NEGR1: variants seen among roughly 807,000 people sequenced by gnomAD.
The protein encoded by NEGR1 is neuronal growth regulator 1.
NEGR1 carries 10 observed loss-of-function variants against 40.9 expected under a neutral mutation model. The observed-to-expected ratio is 0.24, with a 90% CI of 0.15 to 0.42. NEGR1 has a LOEUF of 0.42. NEGR1 is among the 10% of genes least tolerant of loss of function. The pLI is 1.00. For missense variants in NEGR1, 352 were observed against 438.9 expected, an observed-to-expected ratio of 0.80 and a Z score of 1.77; for synonymous variants, 185 against 166.8, an observed-to-expected ratio of 1.11 and a Z score of -0.84.
At chr1:72,082,425 A>G (rs183619212) in intron 1 of NEGR1, among the ~76,000 whole-genome samples, 1 of 152,262 alleles carries the variant, frequency 6.6e-6, no homozygotes, top group Admixed American at 6.5e-5. Context: ...GAGCTTACTT[A>G]TTGCTTGTGG....
chr1:71,933,543 A>G (rs552014334), intron 2 of NEGR1, among the ~76,000 whole-genome samples: 58 of 152,212 alleles, frequency 3.8e-4, no homozygotes, highest in South Asian at 8.3e-4. Flanking sequence ...GTCAAAGGGC[A>G]GAGAACTGAA....
At chr1:71,903,681 C>T (rs998745669) in intron 2 of NEGR1, among the ~76,000 whole-genome samples, 5 of 151,778 alleles carry the variant, frequency 3.3e-5, no homozygotes, top group African/African-American at 1.2e-4. Flanking sequence ...TTATTTCATA[C>T]ATATACATAT....
At chr1:72,121,338 C>T (rs940373101) in intron 1 of NEGR1, among the ~76,000 whole-genome samples, 8 of 152,010 alleles carry the variant, frequency 5.3e-5, no homozygotes, top group Admixed American at 2.6e-4. Context: ...ACTATAAGTA[C>T]GTAAGTTTGC....
At chr1:72,080,033 C>A (rs1212946014) in intron 1 of NEGR1, among the ~76,000 whole-genome samples, 1 of 152,046 alleles carries the variant, frequency 6.6e-6, no homozygotes, top group Non-Finnish European at 1.5e-5. Flanking sequence ...GAGTCAATAA[C>A]CCTTGAAATA....
chr1:71,457,290 G>A (rs541177700), intron 6 of NEGR1, among the ~76,000 whole-genome samples: 8 of 152,230 alleles, frequency 5.3e-5, no homozygotes, highest in East Asian at 3.9e-4. Flanking sequence ...CTGCTTAAGG[G>A]CTTTCAATGA....
At chr1:71,953,563 C>T (rs1646091459) in intron 1 of NEGR1, among the ~76,000 whole-genome samples, 1 of 151,890 alleles carries the variant, frequency 6.6e-6, no homozygotes. Context: ...AGGGCTGACT[C>T]CAATTTTGAA....
chr1:71,550,567 T>C (rs1648042296), intron 6 of NEGR1, among the ~76,000 whole-genome samples: 1 of 151,482 alleles, frequency 6.6e-6, no homozygotes, highest in Non-Finnish European at 1.5e-5. Context: ...ATTCAGGCTG[T>C]AAACCTGTGT....
intron 1 of NEGR1, among the ~76,000 whole-genome samples, chr1:72,141,585 A>G (rs1033900156): frequency 6.6e-6 from 1 of 152,060 alleles, no homozygotes; most frequent in African/African-American, 2.4e-5. Context: ...TCATTTTAAC[A>G]AATCAGTGAC....
chr1:71,624,999 C>T (rs1013882580), intron 4 of NEGR1, among the ~76,000 whole-genome samples: 1 of 151,922 alleles, frequency 6.6e-6, no homozygotes, highest in Non-Finnish European at 1.5e-5. Context: ...ATACTAGGCA[C>T]TCAATAAAAA....
chr1:72,235,001 G>T (rs746736705), intron 1 of NEGR1, among the ~76,000 whole-genome samples: 8 of 152,034 alleles, frequency 5.3e-5, no homozygotes, highest in Non-Finnish European at 1.0e-4. Flanking sequence ...AATTAGCAAA[G>T]ACATGGAATT....
At chr1:72,173,082 C>T (rs138557294) in intron 1 of NEGR1, among the ~76,000 whole-genome samples, 2,231 of 151,884 alleles carry the variant, frequency 0.015, 50 homozygotes, top group African/African-American at 0.05. Context: ...TCTTGGCTCA[C>T]TGCAGCCTGG....
intron 1 of NEGR1, among the ~76,000 whole-genome samples, chr1:72,207,456 T>C (rs972632181): frequency 6.6e-6 from 1 of 151,822 alleles, no homozygotes; most frequent in African/African-American, 2.4e-5. Context: ...GAGAAAAATT[T>C]GGGAACTTGG....
At chr1:71,961,285 T>A (rs183848828) in intron 1 of NEGR1, among the ~76,000 whole-genome samples, 143 of 152,316 alleles carry the variant, frequency 9.4e-4, no homozygotes, top group Non-Finnish European at 1.5e-3. Flanking sequence ...GGTACGATGC[T>A]GGAATCAACT....
Position 72,255,766 on chromosome 1 carries a change from GTC to G in NEGR1, c.176+26551_176+26552del, listed in dbSNP as rs1655253787. ...GGGTTTCACCATGTTGGCCAGGATGGTCTCTATCTCCTGACCTCGTGATCCAC... is the reference window on the plus strand; with the variant it reads ...GGGTTTCACCATGTTGGCCAGGATGGTCTATCTCCTGACCTCGTGATCCAC... On this transcript the variant is annotated intron_variant, in intron 1 of 6. Coordinates refer to ENST00000357731, the MANE Select transcript of NEGR1 (RefSeq NM_173808.3). Among the ~76,000 whole-genome samples the G allele has an allele frequency of 6.6e-5, 10 of 151,634 alleles. No individual in the cohort carries two copies. The South Asian group carries it at 1.5e-3, about 22-fold the overall frequency.
intron 2 of NEGR1, among the ~76,000 whole-genome samples, chr1:71,934,582 A>G (rs1404835685): frequency 3.9e-5 from 6 of 152,148 alleles, no homozygotes; most frequent in Admixed American, 3.3e-4. Context: ...TGCATATTTC[A>G]AAAAGTTCTA....
At chr1:71,878,319 T>C (rs1291528283) in intron 2 of NEGR1, among the ~76,000 whole-genome samples, 1 of 152,202 alleles carries the variant, frequency 6.6e-6, no homozygotes, top group Non-Finnish European at 1.5e-5. Context: ...CAGTGATTCT[T>C]ACACTTTGGC....
In NEGR1 at chr1:71,402,157, A is replaced by C. The variant is rs2101249607; in HGVS notation, c.*5289T>G. 1 of 152,290 alleles carries C rather than the reference A, an allele frequency of 6.6e-6. No individual in the cohort carries two copies. The highest frequency in any genetic ancestry group is 2.1e-4 in the South Asian group (1 of 4,824). The allele number at this position is 152,290 out of a possible 1,614,324, so 9.4% of individuals were successfully genotyped here. A position where few individuals can be genotyped will look rare whatever the true frequency, so the allele number is the denominator to read the frequency against. On this transcript the variant is annotated 3_prime_UTR_variant, in exon 7 of 7. Transcript: ENST00000357731. ...ATTGCATATTTGGCTCAGATCTGCCACTTAGTTGAAGTATAATCTTCAGCA... is the reference window on the plus strand; with the variant it reads ...ATTGCATATTTGGCTCAGATCTGCCCCTTAGTTGAAGTATAATCTTCAGCA...
intron 2 of NEGR1, among the ~76,000 whole-genome samples, chr1:71,826,169 C>T (rs560657710): frequency 2.0e-5 from 3 of 151,862 alleles, no homozygotes; most frequent in African/African-American, 7.2e-5. Flanking sequence ...TTTCTGGATT[C>T]TCAGTTTTCT....
chr1:71,635,204 A>G (rs1651106680), intron 4 of NEGR1, among the ~76,000 whole-genome samples: 1 of 152,132 alleles, frequency 6.6e-6, no homozygotes, highest in Admixed American at 6.6e-5. Context: ...ATCAGGATTT[A>G]AGAAAAGGGA....
Sources: allele counts gnomAD v4.1 joint callset (sites outside exome capture counted in the v4.1 genomes callset), GRCh38; gene constraint gnomAD v4.1.1; transcripts MANE v1.5; gene names NCBI Gene and HGNC (gene_info 2026-07-23, HGNC 2026-07-21).